The following KRT37 variants were observed in gnomAD, a reference collection of about 807,000 sequenced individuals.
KRT37 encodes the protein keratin, type I cuticular Ha7.
Under a neutral mutation model 41.9 loss-of-function variants are expected in KRT37, and 38 were observed. The ratio of observed to expected loss-of-function variants is 0.91; its 90% confidence interval spans 0.70 to 1.19. The LOEUF (loss-of-function observed/expected upper bound fraction) is 1.19. Ranked by LOEUF, KRT37 falls within the 50% of genes most tolerant of loss-of-function variation. KRT37 has a pLI of 0.00. For missense variants in KRT37, 580 were observed against 575.5 expected (o/e 1.01, Z -0.08); for synonymous variants, 252 against 243.4 (o/e 1.04, Z -0.33).
rs200380229 is a variant in KRT37 at position 41,422,298 on chromosome 17, T to C, written c.869A>G (p.Asp290Gly). ...YEAMVETNHQDVEQWFQAQSE... is the reference protein window; with the variant it reads ...YEAMVETNHQGVEQWFQAQSE... ...CTGGGCTTGGAACCACTGTTCCACATCCTGGTGGTTGGTCTCCACCATGGC... is the reference window on the plus strand; with the variant it reads ...CTGGGCTTGGAACCACTGTTCCACACCCTGGTGGTTGGTCTCCACCATGGC... Residue 290 changes from aspartate (D) to glycine (G), a missense_variant, in exon 4 of 7, where the codon GAT becomes GGT. Coordinates refer to ENST00000225550, the MANE Select transcript of KRT37 (RefSeq NM_003770.5). 6.2e-7 allele frequency: 1 copy of C among 1,614,158 alleles called. No individual in the cohort carries two copies. Among genetic ancestry groups the C allele is most frequent in the Admixed American group, 1.7e-5 (1 of 60,026 alleles).
intron 5 of KRT37, 115 bp downstream of exon 5, chr17:41,421,953 AG>A: frequency 1.3e-6 from 2 of 1,552,506 alleles, no homozygotes; most frequent in East Asian, 2.3e-5. Flanking sequence ...TCGGGTATAG[AG>A]GACCCCAGAT....
chr17:41,423,881 C>T (rs1029803795), intron 1 of KRT37, 37 bp from the exon 2 acceptor site: 1 of 1,611,894 alleles, frequency 6.2e-7, no homozygotes, highest in Non-Finnish European at 8.5e-7. Context: ...ACACAAAGCA[C>T]CATACTCTAA....
At chr17:41,421,733 C>T in intron 5 of KRT37, 146 bp from the exon 6 acceptor site, 1 of 801,362 alleles carries the variant, frequency 1.2e-6, no homozygotes, top group Non-Finnish European at 2.0e-6. Flanking sequence ...TCAACATGAC[C>T]ATGACTTCTC....
intron 1 of KRT37, 60 bp from the exon 2 acceptor site, chr17:41,423,904 T>C: frequency 1.2e-6 from 2 of 1,606,916 alleles, no homozygotes; most frequent in African/African-American, 2.7e-5. Context: ...TCCCACTCCA[T>C]GTGTGGTATT....
rs1456577763 is a variant in KRT37 at position 41,424,314 on chromosome 17, G to C, written c.210C>G (p.Pro70=). The C allele has an allele frequency of 5.0e-6, 8 of 1,614,150 alleles. No individual in the cohort carries two copies. In the African/African-American group the frequency reaches 6.7e-5, roughly 13 times the overall value. ...TPLGRPSLCL[P]PTSHTACPLP... ...AGGGACAAGCAGTGTGACTGGTTGGGGGCAGACAGAGGCTGGGGCGGCCCA... is the reference window on the plus strand; with the variant it reads ...AGGGACAAGCAGTGTGACTGGTTGGCGGCAGACAGAGGCTGGGGCGGCCCA... The change falls in exon 1 of 7, where the codon CCC becomes CCG. Residue 70 remains proline, a synonymous_variant. Coordinates refer to ENST00000225550, the MANE Select transcript of KRT37 (RefSeq NM_003770.5).
intron 5 of KRT37, 38 bp downstream of exon 5, chr17:41,422,031 G>T (rs2018545528): frequency 6.2e-7 from 1 of 1,613,788 alleles, no homozygotes; most frequent in Non-Finnish European, 8.5e-7. Flanking sequence ...GACATGGCAT[G>T]GGGCATTTGC....
Position 41,424,486 on chromosome 17 carries a change from C to T in KRT37, c.38G>A (p.Gly13Asp), listed in dbSNP as rs143737896. The T allele has an allele frequency of 2.0e-4, 320 of 1,599,472 alleles. 5 individuals carry two copies. The South Asian group carries it at 3.2e-3, about 16-fold the overall frequency. ...SFYSTSSCPL[G>D]CTMAPGARNV... ...TCTTGCTCCAGGAGCCATGGTGCAA[C>T]CCAGAGGGCATGAGGAGGTGCTGTA... The change falls in exon 1 of 7, where the codon GGT becomes GAT. Residue 13 changes from glycine (G) to aspartate (D), a missense_variant. Gly to Asp is a moderately conservative substitution (Grantham distance 94). Coordinates refer to ENST00000225550, the MANE Select transcript of KRT37 (RefSeq NM_003770.5).
chr17:41,421,633 T>G, intron 5 of KRT37, 46 bp from the exon 6 acceptor site: 1 of 1,580,588 alleles, frequency 6.3e-7, no homozygotes, highest in Non-Finnish European at 8.7e-7. Flanking sequence ...GCCCCAAAAC[T>G]CAGCAGTGAA....
Position 41,420,840 on chromosome 17 carries a change from T to A in KRT37, c.*38A>T. On this transcript the variant is annotated 3_prime_UTR_variant, in exon 7 of 7. Coordinates refer to ENST00000225550, the MANE Select transcript of KRT37 (RefSeq NM_003770.5). ...AAGGTGAGGGCACTCCTGACCCCAG[T>A]GCAACCAGCCTCAATCTCCTAACTC... 6.9e-7 allele frequency: 1 copy of A among 1,451,024 alleles called. No homozygotes were observed. Among genetic ancestry groups the A allele is most frequent in the Admixed American group, 1.7e-5 (1 of 59,026 alleles). The allele number at this position is 1,451,024 out of a possible 1,614,324, so 89.9% of individuals were successfully genotyped here.
intron 2 of KRT37, among the ~76,000 whole-genome samples, 156 bp from the exon 3 acceptor site, chr17:41,423,090 G>A (rs2018568033): frequency 6.6e-6 from 1 of 152,200 alleles, no homozygotes; most frequent in African/African-American, 2.4e-5. Flanking sequence ...TTGTAGTCAG[G>A]ACATTATGCC....
Position 41,420,994 on chromosome 17 carries a change from G to A in KRT37, c.1242-8C>T, listed in dbSNP as rs371337704. 17 of 1,594,310 alleles carry A rather than the reference G, an allele frequency of 1.1e-5. No homozygotes were observed. The highest frequency in any genetic ancestry group is 1.4e-5 in the Non-Finnish European group (16 of 1,162,368). ...CAGGGATTGCAGGGGAGTCTGCAGG[G>A]AGAGAAAGAAGAGTTACATTAAAAA... On this transcript the variant is annotated splice_polypyrimidine_tract_variant and splice_region_variant and intron_variant, in intron 6 of 6. Transcript: ENST00000225550.
At chr17:41,423,286 C>A (rs2018569701) in intron 2 of KRT37, 2 of 283,352 alleles carry the variant, frequency 7.1e-6, no homozygotes, top group Non-Finnish European at 1.3e-5. Flanking sequence ...TCTGGACCTT[C>A]AGTTTGCTGC....
chr17:41,421,693 G>C (rs1245352396), intron 5 of KRT37, 106 bp from the exon 6 acceptor site: 1 of 1,026,190 alleles, frequency 9.7e-7, no homozygotes, highest in African/African-American at 1.6e-5. Context: ...AATGTCATAG[G>C]ACATTCTCAG....
In KRT37 at chr17:41,423,779, A is replaced by G; in HGVS notation, c.558T>C (p.Ala186=). 2 of 1,614,250 alleles carry G rather than the reference A, an allele frequency of 1.2e-6. No homozygotes were observed. The highest frequency in any genetic ancestry group is 1.7e-6 in the Non-Finnish European group (2 of 1,180,028). The change falls in exon 2 of 7, where the codon GCT becomes GCC. Residue 186 remains alanine, a synonymous_variant. Coordinates refer to ENST00000225550, the MANE Select transcript of KRT37 (RefSeq NM_003770.5). ...TGACTTACTTGATCCTAAAGTCATC[A>G]GCAGCCAGCTTCGCGTTGTCAATTT... ...IVQIDNAKLA[A]DDFRIKLESE...
At chr17:41,422,522 G>A (rs1227302983) in intron 3 of KRT37, 88 bp from the exon 4 acceptor site, 41 of 1,528,750 alleles carry the variant, frequency 2.7e-5, no homozygotes, top group Non-Finnish European at 3.7e-5. Context: ...CTGGCAAGCA[G>A]TAGGAGGGGA....
In KRT37 at chr17:41,421,440, G is replaced by A. The variant is rs748455065; in HGVS notation, c.1168C>T (p.Leu390=). 1.9e-6 allele frequency: 3 copies of A among 1,614,220 alleles called. No homozygotes were observed. The highest frequency in any genetic ancestry group is 1.1e-5 in the South Asian group (1 of 91,086). Residue 390 remains leucine (L), a synonymous_variant, in exon 6 of 7, where the codon CTG becomes TTG. Transcript: ENST00000225550. ...LERQNQEYQV[L]LDVKARLENE... ...TCCAACCGGGCCTTCACGTCCAGCA[G>A]CACCTGGTACTCCTGGTTCTGCCGC... is the stretch of plus-strand genomic sequence containing the variant.
Position 41,422,267 on chromosome 17 carries a change from A to G in KRT37, c.894+6T>C. On this transcript the variant is annotated splice_donor_region_variant and intron_variant, in intron 4 of 6. Coordinates refer to ENST00000225550, the MANE Select transcript of KRT37 (RefSeq NM_003770.5). The stretch of plus-strand genomic sequence containing the variant: ...GGTACTCCCTGGCTCTGTAACCCCC[A>G]CTCACCTGGGCTTGGAACCACTGTT... 1 of 1,613,042 alleles carries G rather than the reference A, an allele frequency of 6.2e-7. No individual in the cohort carries two copies. Among genetic ancestry groups the G allele is most frequent in the Non-Finnish European group, 8.5e-7 (1 of 1,179,576 alleles).
intron 5 of KRT37, 140 bp downstream of exon 5, chr17:41,421,929 G>T: frequency 7.0e-7 from 1 of 1,436,350 alleles, no homozygotes; most frequent in African/African-American, 1.4e-5. Context: ...GAACTTGACA[G>T]CAAGACGTCT....
In KRT37 at chr17:41,421,443, C is replaced by T; in HGVS notation, c.1165G>A (p.Val389Met). The change falls in exon 6 of 7, where the codon GTG (valine) becomes ATG (methionine). Residue 389 changes from valine to methionine, a missense_variant. Transcript: ENST00000225550. ...AACCGGGCCTTCACGTCCAGCAGCA[C>T]CTGGTACTCCTGGTTCTGCCGCTCC... ...DLERQNQEYQVLLDVKARLEN... is the reference protein window; with the variant it reads ...DLERQNQEYQMLLDVKARLEN... 1.2e-6 allele frequency: 2 copies of T among 1,614,228 alleles called. No individual in the cohort carries two copies. The highest frequency in any genetic ancestry group is 1.7e-6 in the Non-Finnish European group (2 of 1,180,024).
Sources: gnomAD v4.1 joint callset for allele counts (sites outside exome capture counted in the v4.1 genomes callset) on GRCh38, gnomAD v4.1.1 for gene constraint, MANE v1.5 for transcripts, NCBI Gene and HGNC (gene_info 2026-07-23, HGNC 2026-07-21) for gene names.